The following TCF7L1 variants were observed in gnomAD, a reference collection of about 807,000 sequenced individuals.
TCF7L1 encodes the protein transcription factor 7-like 1.
TCF7L1 carries 18 observed loss-of-function variants against 63.7 expected under a neutral mutation model. The observed-to-expected ratio is 0.28, with a 90% CI of 0.20 to 0.42. The LOEUF is 0.42. Ranked by LOEUF, TCF7L1 falls within the 10% of genes least tolerant of loss-of-function variation. The pLI is 1.00. For missense variants in TCF7L1, 654 were observed against 779.3 expected, an observed-to-expected ratio of 0.84 and a Z score of 1.91; for synonymous variants, 355 against 340.9, an observed-to-expected ratio of 1.04 and a Z score of -0.46.
intron 11 of TCF7L1, among the ~76,000 whole-genome samples, chr2:85,308,430 T>TCCCTCCCA (rs1682181583): frequency 9.5e-6 from 1 of 105,144 alleles, no homozygotes; most frequent in African/African-American, 3.9e-5. Flanking sequence ...CCTCCCTCCT[T>TCCCTCCCA]TTCTCCCTCC....
Position 85,263,548 on chromosome 2 carries a change from C to T in TCF7L1, c.442-19947C>T, listed in dbSNP as rs546391096. On this transcript the variant is annotated intron_variant, in intron 3 of 11. Coordinates refer to ENST00000282111, the MANE Select transcript of TCF7L1 (RefSeq NM_031283.3). ...AATGATCCCCAAGGTTTGTACAATA[C>T]TCAGGGTGACCGCATGTCCTGGTTT... 2.0e-5 allele frequency among the ~76,000 whole-genome samples: 3 copies of T among 152,266 alleles called. No homozygotes were observed. The South Asian group carries it at 6.2e-4, about 32-fold the overall frequency.
At chr2:85,168,230 C>G (rs1678466602) in intron 3 of TCF7L1, among the ~76,000 whole-genome samples, 1 of 150,552 alleles carries the variant, frequency 6.6e-6, no homozygotes, top group South Asian at 2.1e-4. Flanking sequence ...CACAAAGGGA[C>G]ACAAGGAAGC....
chr2:85,133,705 GGGC>G lies in TCF7L1; in HGVS notation c.40_42del (p.Gly14del), dbSNP rs566806913. 446,382 of 1,073,848 alleles carry G rather than the reference GGGC, an allele frequency of 0.42. 92,149 individuals are homozygous for G. Among genetic ancestry groups the G allele is most frequent in the African/African-American group, 0.54 (32,090 of 58,966 alleles). 66.5% of individuals were successfully genotyped at this position (1,073,848 alleles called of 1,614,324 possible). On this transcript the variant is annotated inframe_deletion, in exon 1 of 12. Coordinates refer to ENST00000282111, the MANE Select transcript of TCF7L1 (RefSeq NM_031283.3). This position sits in a 1 kb window ranked among gnomAD's most constrained non-coding sequence, Gnocchi z 4.4. ...CCACCATGCCCCAGCTCGGCGGCGG[GGGC>G]GGCGGCGGCGGCGGCGGCAGCGGGG...
chr2:85,134,423 AC>A lies in TCF7L1; in HGVS notation c.418del (p.Leu140CysfsTer12). On this transcript the variant is annotated frameshift_variant, in exon 3 of 12. Coordinates refer to ENST00000282111, the MANE Select transcript of TCF7L1 (RefSeq NM_031283.3). LOFTEE classifies it high-confidence loss of function. The surrounding 1 kb of genome is among the most constrained non-coding windows in gnomAD (Gnocchi z 5.0). ...DLSSPYLSNGPLSPGGARTYL... is the reference protein window; with the variant it reads ...DLSSPYLSNGXLSPGGARTYL... Reference sequence around the variant, plus strand: ...TGAGCAGCCCGTACCTCTCCAACGGACCCCTGTCTCCCGGAGGAGCGCGCAC... The same window carrying A: ...TGAGCAGCCCGTACCTCTCCAACGGACCCTGTCTCCCGGAGGAGCGCGCAC... 6.4e-7 allele frequency: 1 copy of A among 1,560,382 alleles called. No individual in the cohort carries two copies. The highest frequency in any genetic ancestry group is 8.7e-7 in the Non-Finnish European group (1 of 1,152,192).
chr2:85,246,219 C>T (rs1680460894), intron 3 of TCF7L1, among the ~76,000 whole-genome samples: 1 of 152,228 alleles, frequency 6.6e-6, no homozygotes, highest in Non-Finnish European at 1.5e-5. Context: ...TGCAATTACT[C>T]ATAAGCTTCA....
At chr2:85,143,615 G>A (rs1677797625) in intron 3 of TCF7L1, among the ~76,000 whole-genome samples, 1 of 152,206 alleles carries the variant, frequency 6.6e-6, no homozygotes, top group Non-Finnish European at 1.5e-5. Context: ...CATTGATGGT[G>A]ATTGATGGCG....
intron 5 of TCF7L1, chr2:85,303,603 C>T (rs1053959201): frequency 3.2e-6 from 1 of 314,968 alleles, no homozygotes; most frequent in Non-Finnish European, 5.8e-6. Flanking sequence ...TGGGTCCTGT[C>T]CCTCTCTTCC....
At chr2:85,296,181 C>T (rs934237832) in intron 4 of TCF7L1, among the ~76,000 whole-genome samples, 11 of 152,178 alleles carry the variant, frequency 7.2e-5, no homozygotes, top group Non-Finnish European at 1.5e-4. Context: ...CTCCTGGTCC[C>T]AGGTTCCACC....
At chr2:85,219,560 C>G (rs187807972) in intron 3 of TCF7L1, among the ~76,000 whole-genome samples, 66 of 152,136 alleles carry the variant, frequency 4.3e-4, no homozygotes, top group Admixed American at 1.0e-3. Flanking sequence ...TGAATAAATT[C>G]TAAAAGTGTA....
chr2:85,241,076 T>C lies in TCF7L1; in HGVS notation c.442-42419T>C, dbSNP rs552023269. Among the ~76,000 whole-genome samples, 68 of 152,292 alleles carry C rather than the reference T, an allele frequency of 4.5e-4. 1 individual carries two copies. In the South Asian group the frequency reaches 0.013, roughly 28 times the overall value. ...TATGCTAGCTTTAGATTCTGCAAAA[T>C]CAGGAAATCAGAAAGTACAAGTTCT... On this transcript the variant is annotated intron_variant, in intron 3 of 11. Coordinates refer to ENST00000282111, the MANE Select transcript of TCF7L1 (RefSeq NM_031283.3).
chr2:85,295,380 T>C (rs1411942467), intron 4 of TCF7L1, among the ~76,000 whole-genome samples: 3 of 152,096 alleles, frequency 2.0e-5, no homozygotes, highest in Admixed American at 2.0e-4. Flanking sequence ...TTTGTATTTT[T>C]AGTAGAAACA....
chr2:85,238,782 TTTATTTA>T (rs1558642796), intron 3 of TCF7L1, among the ~76,000 whole-genome samples: 3 of 516 alleles, frequency 5.8e-3, no homozygotes, highest in East Asian at 0.05. Context: ...GAGCATTTTA[TTTATTTA>T]TTTATTTATT....
chr2:85,284,168 G>A (rs1225314606), intron 4 of TCF7L1, among the ~76,000 whole-genome samples: 1 of 152,168 alleles, frequency 6.6e-6, no homozygotes, highest in Non-Finnish European at 1.5e-5. Context: ...GTGCCACCAC[G>A]CCTGGCTAAT....
chr2:85,178,438 A>G (rs1019101867), intron 3 of TCF7L1, among the ~76,000 whole-genome samples: 3 of 151,908 alleles, frequency 2.0e-5, no homozygotes, highest in African/African-American at 7.3e-5. Flanking sequence ...AATTCACACT[A>G]TTTACTGAAC....
chr2:85,270,033 T>C (rs1681112701), intron 3 of TCF7L1, among the ~76,000 whole-genome samples: 1 of 152,142 alleles, frequency 6.6e-6, no homozygotes, highest in Non-Finnish European at 1.5e-5. Context: ...GCCCAGGAGT[T>C]GTTGACTTTG....
rs567083037 is a variant in TCF7L1 at position 85,134,187 on chromosome 2, C to G, written c.313+108C>G. 5.3e-6 allele frequency: 8 copies of G among 1,508,730 alleles called. No individual in the cohort carries two copies. The African/African-American group carries it at 1.1e-4, about 21-fold the overall frequency. The allele number at this position is 1,508,730 out of a possible 1,614,324, so 93.5% of individuals were successfully genotyped here. On this transcript the variant is annotated intron_variant, in intron 2 of 11. Coordinates refer to ENST00000282111, the MANE Select transcript of TCF7L1 (RefSeq NM_031283.3). This position sits in a 1 kb window ranked among gnomAD's most constrained non-coding sequence, Gnocchi z 5.0. ...GCTTGGGTGGACGCACCCTTGCCCTCCGCCTTTATTGGCGGCAGCCCCCGT... is the reference window on the plus strand; with the variant it reads ...GCTTGGGTGGACGCACCCTTGCCCTGCGCCTTTATTGGCGGCAGCCCCCGT...
intron 4 of TCF7L1, among the ~76,000 whole-genome samples, chr2:85,296,965 C>T (rs1235783656): frequency 6.6e-6 from 1 of 152,086 alleles, no homozygotes; most frequent in African/African-American, 2.4e-5. Context: ...TTCTATAAAA[C>T]TCAATGAAAA....
Position 85,309,385 on chromosome 2 carries a change from G to A in TCF7L1, c.1690G>A (p.Ala564Thr), listed in dbSNP as rs149975109. 184 of 1,595,514 alleles carry A rather than the reference G, an allele frequency of 1.2e-4. No homozygotes were observed. In the African/African-American group the frequency reaches 1.9e-3, roughly 16 times the overall value. The part of the protein sequence containing the change: ...ALLASPPSFP[A>T]TLHAHQALPV... ...GCTGGCCTCTCCCCCGTCCTTCCCCGCCACGCTCCATGCCCACCAGGCCCT... is the reference window on the plus strand; with the variant it reads ...GCTGGCCTCTCCCCCGTCCTTCCCCACCACGCTCCATGCCCACCAGGCCCT... The change falls in exon 12 of 12, where the codon GCC becomes ACC. Residue 564 changes from alanine (A) to threonine (T), a missense_variant. Physicochemically the swap from Ala to Thr is moderately conservative, Grantham distance 58. Transcript: ENST00000282111.
intron 3 of TCF7L1, among the ~76,000 whole-genome samples, chr2:85,172,514 C>T (rs1048306255): frequency 6.6e-6 from 1 of 152,202 alleles, no homozygotes; most frequent in East Asian, 1.9e-4. Flanking sequence ...GCAACCTCTG[C>T]CTCCCAGGTT....
Sources: gnomAD v4.1 joint callset for allele counts (sites outside exome capture counted in the v4.1 genomes callset) on GRCh38, gnomAD v4.1.1 for gene constraint, Gnocchi (gnomAD v3.1) non-coding constraint, MANE v1.5 for transcripts, NCBI Gene and HGNC (gene_info 2026-07-23, HGNC 2026-07-21) for gene names.